Variants in GIT1 observed in about 807,000 individuals in gnomAD.
The protein encoded by GIT1 is GIT ArfGAP 1.
A neutral mutation model predicts 91.7 loss-of-function variants in GIT1; 14 were observed. The ratio of observed to expected loss-of-function variants is 0.15; its 90% confidence interval spans 0.10 to 0.24. GIT1 has a LOEUF of 0.24. GIT1 is among the 10% of genes least tolerant of loss of function. GIT1 has a pLI of 1.00. For synonymous variants in GIT1, 414 were observed against 418.2 expected (o/e 0.99, Z 0.12); for missense variants, 717 against 1,024.9 (o/e 0.70, Z 4.10).
chr17:29,575,493 A>G lies in GIT1; in HGVS notation c.1827-23T>C. ...AGCCTGAGGCCCAGGTCCAGAAAAC[A>G]GAGACAAAGATACATATAGAGAAAG... On this transcript the variant is annotated intron_variant, in intron 17 of 19. Coordinates refer to ENST00000225394, the MANE Select transcript of GIT1 (RefSeq NM_014030.4). The surrounding 1 kb of genome is among the most constrained non-coding windows in gnomAD (Gnocchi z 5.5). The G allele has an allele frequency of 1.9e-6, 3 of 1,591,776 alleles. No individual in the cohort carries two copies. Among genetic ancestry groups the G allele is most frequent in the Non-Finnish European group, 2.6e-6 (3 of 1,168,196 alleles).
chr17:29,588,342 C>G (rs990387898), intron 1 of GIT1, among the ~76,000 whole-genome samples: 23 of 152,350 alleles, frequency 1.5e-4, no homozygotes, highest in Admixed American at 1.5e-3. Context: ...TGCAGAGCCC[C>G]GTCACTGGCT....
chr17:29,585,871 G>C (rs2033578212), intron 1 of GIT1, among the ~76,000 whole-genome samples: 1 of 152,192 alleles, frequency 6.6e-6, no homozygotes, highest in Admixed American at 6.5e-5. Context: ...CAGGGTATGG[G>C]TCTGTATGTG....
At chr17:29,582,870 G>C in intron 3 of GIT1, 55 bp downstream of exon 3, 1 of 1,551,170 alleles carries the variant, frequency 6.4e-7, no homozygotes, top group South Asian at 1.1e-5. Context: ...CCACCTCCCA[G>C]GGCCCTGTCC....
chr17:29,576,085 A>T lies in GIT1; in HGVS notation c.1658T>A (p.Leu553His). ...AIYSVHVPAGLYRIRKGVSAS... is the reference protein window; with the variant it reads ...AIYSVHVPAGHYRIRKGVSAS... The stretch of plus-strand genomic sequence containing the variant: ...CGCCTTCCCCAGGCTTACCCGGTAA[A>T]GGCCAGCAGGGACGTGCACTGAATA... The change falls in exon 15 of 20, where the codon CTT (leucine) becomes CAT (histidine). Residue 553 changes from leucine to histidine, a missense_variant. Coordinates refer to ENST00000225394, the MANE Select transcript of GIT1 (RefSeq NM_014030.4). 1 of 1,613,740 alleles carries T rather than the reference A, an allele frequency of 6.2e-7. No individual in the cohort carries two copies. Among genetic ancestry groups the T allele is most frequent in the South Asian group, 1.1e-5 (1 of 91,086 alleles).
chr17:29,582,255 G>T, intron 4 of GIT1, 111 bp from the exon 5 acceptor site: 1 of 744,900 alleles, frequency 1.3e-6, no homozygotes, highest in South Asian at 1.7e-5. Flanking sequence ...AAGGAGGCCT[G>T]CCCAAACCAG....
At chr17:29,588,108 C>T (rs990050141) in intron 1 of GIT1, among the ~76,000 whole-genome samples, 1 of 152,204 alleles carries the variant, frequency 6.6e-6, no homozygotes, top group East Asian at 1.9e-4. Context: ...CCCAGAACCA[C>T]CAGAGCATCT....
chr17:29,574,454 G>T lies in GIT1; in HGVS notation c.*248C>A. 1 of 550,000 alleles carries T rather than the reference G, an allele frequency of 1.8e-6. No homozygotes were observed. Among genetic ancestry groups the T allele is most frequent in the East Asian group, 3.1e-5 (1 of 32,204 alleles). 34.1% of individuals were successfully genotyped at this position (550,000 alleles called of 1,614,324 possible). A position where few individuals can be genotyped will look rare whatever the true frequency, so the allele number is the denominator to read the frequency against. On this transcript the variant is annotated 3_prime_UTR_variant, in exon 20 of 20. Transcript: ENST00000225394. The stretch of plus-strand genomic sequence containing the variant: ...CCTTGCAGGCCCCTGCTCACTAGGA[G>T]GGGGGAGATGCTATATACAGAGGGG...
At position 29,581,303 on chromosome 17, in the gene GIT1, C is replaced by T. The variant is rs770997076; in HGVS notation, c.761+35G>A. ...GGTCAGCCACCCACATGGCATCCAA[C>T]AGCCTCTGGAAAGGGGCATCAGGTG... On this transcript the variant is annotated intron_variant, in intron 7 of 19. Transcript: ENST00000225394. The surrounding 1 kb of genome is among the most constrained non-coding windows in gnomAD (Gnocchi z 4.8). The T allele has an allele frequency of 2.0e-5, 32 of 1,564,568 alleles. No individual in the cohort carries two copies. The highest frequency in any genetic ancestry group is 2.8e-5 in the Non-Finnish European group (32 of 1,135,426).
chr17:29,586,052 G>T (rs1469700299), intron 1 of GIT1, among the ~76,000 whole-genome samples: 1 of 152,192 alleles, frequency 6.6e-6, no homozygotes, highest in East Asian at 1.9e-4. Context: ...CTAAGGGCCA[G>T]ATCTCCACTA....
chr17:29,589,271 G>C lies in GIT1; in HGVS notation c.52+56C>G. The C allele has an allele frequency of 1.3e-6, 1 of 760,580 alleles. No individual in the cohort carries two copies. Among genetic ancestry groups the C allele is most frequent in the Non-Finnish European group, 1.6e-6 (1 of 622,842 alleles). 47.1% of individuals were successfully genotyped at this position (760,580 alleles called of 1,614,324 possible). ...CACAGCGCTCTTGCCAGGCCCCGGC[G>C]CCCGCCCGGCGGCGGCCTGGCTGTG... is the stretch of plus-strand genomic sequence containing the variant. On this transcript the variant is annotated intron_variant, in intron 1 of 19. Transcript: ENST00000225394. The surrounding 1 kb of genome is among the most constrained non-coding windows in gnomAD (Gnocchi z 5.2).
chr17:29,576,607 G>A lies in GIT1; in HGVS notation c.1295C>T (p.Ala432Val). 2 of 1,614,020 alleles carry A rather than the reference G, an allele frequency of 1.2e-6. No homozygotes were observed. Among genetic ancestry groups the A allele is most frequent in the South Asian group, 1.1e-5 (1 of 91,086 alleles). The change falls in exon 13 of 20, where the codon GCC becomes GTC. Residue 432 changes from alanine (A) to valine (V), a missense_variant. By Grantham distance (64) the Ala-to-Val change is moderately conservative (BLOSUM62 0). Around this residue, in one of 3 missense-constraint regions of GIT1, gnomAD observed 312 missense variants for 349.5 expected, o/e 0.89. Transcript: ENST00000225394. Reference protein sequence around the residue: ...TLQEYLELKKALATSEAKVQQ... With the variant: ...TLQEYLELKKVLATSEAKVQQ... ...CACCTTTGCCTCCGATGTAGCCAGGGCCTTCTTCAGCTCCAGGTACTCCTG... is the reference window on the plus strand; with the variant it reads ...CACCTTTGCCTCCGATGTAGCCAGGACCTTCTTCAGCTCCAGGTACTCCTG...
At chr17:29,574,998 A>G (rs2150821007) in intron 19 of GIT1, 81 bp downstream of exon 19, 1 of 1,481,082 alleles carries the variant, frequency 6.8e-7, no homozygotes, top group Non-Finnish European at 9.3e-7. Flanking sequence ...GTCTCCACCC[A>G]GGTAGCGATC....
At chr17:29,584,720 G>A (rs756600381) in intron 1 of GIT1, among the ~76,000 whole-genome samples, 8 of 152,178 alleles carry the variant, frequency 5.3e-5, no homozygotes, top group African/African-American at 1.2e-4. Context: ...GCCCTGTAGC[G>A]CTCAGGGTGT....
chr17:29,574,922 G>A lies in GIT1; in HGVS notation c.2074-8C>T. ...TGGCTCCAGGGCTGGCCTCTGGAGG[G>A]GGCAGGAGTGAGGCTGGACCTTGGA... On this transcript the variant is annotated splice_polypyrimidine_tract_variant and splice_region_variant and intron_variant, in intron 19 of 19. Transcript: ENST00000225394. 5 of 1,552,044 alleles carry A rather than the reference G, an allele frequency of 3.2e-6. No individual in the cohort carries two copies. Among genetic ancestry groups the A allele is most frequent in the Non-Finnish European group, 3.5e-6 (4 of 1,148,382 alleles).
chr17:29,574,666 G>A lies in GIT1; in HGVS notation c.*36C>T. 6.6e-7 allele frequency: 1 copy of A among 1,508,320 alleles called. No individual in the cohort carries two copies. Among genetic ancestry groups the A allele is most frequent in the Admixed American group, 1.7e-5 (1 of 59,516 alleles). 93.4% of individuals were successfully genotyped at this position (1,508,320 alleles called of 1,614,324 possible). ...GTGGCCCAGCTCCTATGGCCAGTGA[G>A]GTCCTAGGGTGCAGGTGAGGGTGTG... On this transcript the variant is annotated 3_prime_UTR_variant, in exon 20 of 20. Transcript: ENST00000225394.
At chr17:29,583,175 C>A in intron 2 of GIT1, 138 bp from the exon 3 acceptor site, 1 of 663,840 alleles carries the variant, frequency 1.5e-6, no homozygotes, top group Non-Finnish European at 2.7e-6. Context: ...CACCACCACA[C>A]CTCCATCTAG....
chr17:29,580,578 CA>C (rs1401484402), intron 7 of GIT1, among the ~76,000 whole-genome samples: 7 of 152,192 alleles, frequency 4.6e-5, no homozygotes, highest in Admixed American at 4.6e-4. Context: ...ACACCTCATT[CA>C]ACCAGCCTCA....
rs1228387086 is a variant in GIT1, at chr17:29,576,264, G to C, written c.1567C>G (p.Pro523Ala). Residue 523 changes from proline (P) to alanine (A), a missense_variant, in exon 14 of 20, where the codon CCT becomes GCT. Pro to Ala is a conservative substitution (Grantham distance 27). This residue lies in a region of GIT1 where 312 missense variants were observed against 349.5 expected (regional missense o/e 0.89). Coordinates refer to ENST00000225394, the MANE Select transcript of GIT1 (RefSeq NM_014030.4). ...AGCCGCGTAGTGAGCTCGTCCCCAGGGGGGCCCCCAAAGGGCTTCAGGGCA... is the reference window on the plus strand; with the variant it reads ...AGCCGCGTAGTGAGCTCGTCCCCAGCGGGGCCCCCAAAGGGCTTCAGGGCA... The part of the protein sequence containing the change: ...GSALKPFGGP[P>A]GDELTTRLQP... 8 of 1,610,254 alleles carry C rather than the reference G, an allele frequency of 5.0e-6. No individual in the cohort carries two copies. Among genetic ancestry groups the C allele is most frequent in the Non-Finnish European group, 6.8e-6 (8 of 1,177,838 alleles).
intron 7 of GIT1, among the ~76,000 whole-genome samples, chr17:29,579,599 C>A (rs370524039): frequency 5.0e-4 from 76 of 151,960 alleles, no homozygotes; most frequent in African/African-American, 1.5e-3. Context: ...TAGCTGAGCA[C>A]GGTGGCATGT....
Sources: gnomAD v4.1 joint callset for allele counts (sites outside exome capture counted in the v4.1 genomes callset) on GRCh38, gnomAD v4.1.1 for gene constraint, gnomAD v4.1.1 regional missense constraint, Gnocchi (gnomAD v3.1) non-coding constraint, MANE v1.5 for transcripts, NCBI Gene and HGNC (gene_info 2026-07-23, HGNC 2026-07-21) for gene names.